MCM9: variants seen among roughly 807,000 people sequenced by gnomAD.
MCM9 encodes DNA helicase MCM9.
A neutral mutation model predicts 72.8 loss-of-function variants in MCM9; 55 were observed. The ratio of observed to expected loss-of-function variants is 0.76; its 90% CI spans 0.61 to 0.95. MCM9 has a LOEUF of 0.95. MCM9 is among the 40% of genes least tolerant of loss of function. The pLI is 0.00. For synonymous variants in MCM9, 480 were observed against 503.4 expected (o/e 0.95, Z 0.62); for missense variants, 1,279 against 1,377.0 (o/e 0.93, Z 1.13).
intron 10 of MCM9, 44 bp from the exon 11 acceptor site, chr6:118,828,174 A>G (rs1176255855): frequency 1.3e-5 from 19 of 1,422,048 alleles, no homozygotes; most frequent in Non-Finnish European, 1.8e-5. Context: ...TAGGACAGGC[A>G]AACATCTCAT....
At chr6:118,857,339 T>A (rs539365076) in intron 8 of MCM9, among the ~76,000 whole-genome samples, 4 of 152,274 alleles carry the variant, frequency 2.6e-5, no homozygotes, top group Admixed American at 2.6e-4. Context: ...TTGTCCTGTA[T>A]ACCAGTCAAT....
At chr6:118,930,307 T>C (rs1259927301) in intron 3 of MCM9, among the ~76,000 whole-genome samples, 5 of 151,800 alleles carry the variant, frequency 3.3e-5, no homozygotes, top group East Asian at 1.9e-4. Flanking sequence ...AGAGACGGGG[T>C]TTCACCGTGT....
intron 9 of MCM9, among the ~76,000 whole-genome samples, chr6:118,840,738 C>A (rs564389402): frequency 2.2e-4 from 23 of 105,114 alleles, no homozygotes; most frequent in Admixed American, 5.1e-4. Context: ...CTCCTCCCCC[C>A]CCCCTTTTTT....
chr6:118,817,948 T>C (rs1773517337), intron 13 of MCM9, among the ~76,000 whole-genome samples: 1 of 152,234 alleles, frequency 6.6e-6, no homozygotes. Flanking sequence ...TTGGGAAGTG[T>C]CTGTTCATAT....
chr6:118,874,942 C>T (rs1170233742), intron 8 of MCM9, among the ~76,000 whole-genome samples: 2 of 152,168 alleles, frequency 1.3e-5, no homozygotes, highest in Non-Finnish European at 2.9e-5. Flanking sequence ...AGTGAAACCC[C>T]GTTTCTATTA....
chr6:118,898,130 T>C (rs1246467628), intron 8 of MCM9, among the ~76,000 whole-genome samples: 1 of 152,166 alleles, frequency 6.6e-6, no homozygotes, highest in Non-Finnish European at 1.5e-5. Flanking sequence ...TTCTGATTCT[T>C]TGATGTACAA....
intron 11 of MCM9, 106 bp from the exon 12 acceptor site, chr6:118,826,970 TAAC>T: frequency 2.3e-6 from 2 of 851,556 alleles, no homozygotes; most frequent in Non-Finnish European, 1.9e-6. Context: ...GAGCTATTAA[TAAC>T]AACATAATTT....
chr6:118,907,452 T>C, intron 8 of MCM9: 1 of 1,612,184 alleles, frequency 6.2e-7, no homozygotes, highest in South Asian at 1.1e-5. Context: ...GATTCCACAT[T>C]AATTGGGAAG....
intron 4 of MCM9, among the ~76,000 whole-genome samples, chr6:118,923,356 C>T (rs1175116014): frequency 1.3e-5 from 2 of 151,636 alleles, no homozygotes; most frequent in African/African-American, 4.9e-5. Flanking sequence ...TGATCCATAG[C>T]TCACTGCCAC....
At chr6:118,831,576 G>T (rs1373895496) in intron 9 of MCM9, among the ~76,000 whole-genome samples, 3 of 151,934 alleles carry the variant, frequency 2.0e-5, no homozygotes, top group African/African-American at 7.3e-5. Flanking sequence ...AAGTGGGGAA[G>T]ACCATATGTA....
chr6:118,877,956 G>A (rs971471288), intron 8 of MCM9, among the ~76,000 whole-genome samples: 23 of 152,184 alleles, frequency 1.5e-4, no homozygotes, highest in African/African-American at 5.6e-4. Context: ...GAGGCCAGGA[G>A]TTCAAGACAA....
intron 9 of MCM9, among the ~76,000 whole-genome samples, chr6:118,839,283 T>C (rs947147094): frequency 6.6e-6 from 1 of 152,000 alleles, no homozygotes; most frequent in Non-Finnish European, 1.5e-5. Context: ...TCAGGTCATT[T>C]ATGTTCTTCT....
intron 13 of MCM9, among the ~76,000 whole-genome samples, chr6:118,822,774 C>A (rs191365322): frequency 3.2e-4 from 48 of 152,306 alleles, no homozygotes; most frequent in African/African-American, 1.1e-3. Context: ...TATCTGCAAG[C>A]CCCTGACTGG....
intron 8 of MCM9, among the ~76,000 whole-genome samples, chr6:118,881,500 CTA>C (rs568961504): frequency 4.5e-4 from 68 of 152,260 alleles, no homozygotes; most frequent in African/African-American, 1.6e-3. Flanking sequence ...TACATTTTCT[CTA>C]TGAGGACATG....
chr6:118,859,504 A>G (rs1170384146), intron 8 of MCM9, among the ~76,000 whole-genome samples: 2 of 152,264 alleles, frequency 1.3e-5, no homozygotes, highest in Non-Finnish European at 2.9e-5. Context: ...TCAGGCAGAT[A>G]CAGAGAACCA....
intron 3 of MCM9, 50 bp downstream of exon 3, chr6:118,931,370 C>T: frequency 6.8e-7 from 1 of 1,462,132 alleles, no homozygotes; most frequent in Non-Finnish European, 9.3e-7. Context: ...TATATTTTCT[C>T]AAAATCTTTC....
At chr6:118,828,978 T>G in intron 10 of MCM9, 70 bp downstream of exon 10, 2 of 1,441,318 alleles carry the variant, frequency 1.4e-6, no homozygotes, top group East Asian at 2.5e-5. Context: ...TTAATTTTCT[T>G]GAAAGGGAAT....
Position 118,815,502 on chromosome 6 carries a change from G to A in MCM9, c.2754C>T (p.Ala918=). ...GCTTGAAAGTAAATTTTGCCAGTTT[G>A]GCCACAGGGGAACCTGGAGGCTTAA... ...ENVKPPGSPV[A]KLAKFTFKQK... The change falls in exon 14 of 14, where the codon GCC becomes GCT. Residue 918 remains alanine (A), a synonymous_variant. Transcript: ENST00000619706. The A allele has an allele frequency of 1.3e-6, 2 of 1,547,820 alleles. No homozygotes were observed. Among genetic ancestry groups the A allele is most frequent in the Non-Finnish European group, 1.7e-6 (2 of 1,146,082 alleles).
chr6:118,833,178 T>C (rs1347803873), intron 9 of MCM9, among the ~76,000 whole-genome samples: 2 of 152,086 alleles, frequency 1.3e-5, no homozygotes, highest in African/African-American at 4.8e-5. Flanking sequence ...CACATCAGAC[T>C]GACACGAACA....
Sources: gnomAD v4.1 joint callset for allele counts (sites outside exome capture counted in the v4.1 genomes callset) on GRCh38, gnomAD v4.1.1 for gene constraint, MANE v1.5 for transcripts, NCBI Gene and HGNC (gene_info 2026-07-23, HGNC 2026-07-21) for gene names.